Variants in PCLO observed in about 807,000 individuals in gnomAD.
PCLO encodes the protein piccolo presynaptic cytomatrix protein, also known as protein piccolo.
In PCLO, 82 loss-of-function variants were observed where a neutral mutation model predicts 427.5. The observed-to-expected ratio is 0.19, with a 90% CI of 0.16 to 0.23. The LOEUF is 0.23. Ranked by LOEUF, PCLO falls within the 10% of genes least tolerant of loss-of-function variation. The probability of loss-of-function intolerance (pLI) is 1.00; values close to 1 mark genes in which losing one functional copy is unlikely to be tolerated. For synonymous variants in PCLO, 2,357 were observed against 2,155.4 expected, an observed-to-expected ratio of 1.09 and a Z score of -2.59; for missense variants, 6,239 against 6,115.9, an observed-to-expected ratio of 1.02 and a Z score of -0.67.
chr7:83,061,243 A>G (rs1202766340), intron 3 of PCLO, among the ~76,000 whole-genome samples: 1 of 152,166 alleles, frequency 6.6e-6, no homozygotes, highest in African/African-American at 2.4e-5. Flanking sequence ...ACTTGTTGGC[A>G]GAATCCAGTT....
intron 9 of PCLO, chr7:82,894,485 G>A (rs1188089816): frequency 2.0e-5 from 3 of 152,334 alleles, no homozygotes; most frequent in Non-Finnish European, 4.4e-5. Flanking sequence ...GAGAGCTTAT[G>A]CAGGGAAACT....
chr7:83,080,798 C>T (rs1159550693), intron 3 of PCLO, among the ~76,000 whole-genome samples: 1 of 151,982 alleles, frequency 6.6e-6, no homozygotes, highest in African/African-American at 2.4e-5. Context: ...TCAAGACTCC[C>T]AGTGGATGCC....
chr7:83,080,513 T>C (rs374464562), intron 3 of PCLO, among the ~76,000 whole-genome samples: 3 of 152,240 alleles, frequency 2.0e-5, no homozygotes, highest in East Asian at 1.9e-4. Context: ...CCTCAAAATA[T>C]GTTAATATTC....
Position 82,760,764 on chromosome 7 carries a change from C to A in PCLO, c.15163G>T (p.Val5055Leu), listed in dbSNP as rs1790413990. Residue 5055 changes from valine (V) to leucine (L), a missense_variant, in exon 24 of 25, where the codon GTG becomes TTG. Val to Leu is a conservative substitution (Grantham distance 32). This residue lies in a region of PCLO where 877 missense variants were observed against 925.5 expected (regional missense o/e 0.95). Transcript: ENST00000333891. The stretch of plus-strand genomic sequence containing the variant: ...TTTTTTTGGGTAGAAATATTCATCA[C>A]ATATATTTTCACATATAAATCTGAA... ...HLPDLYVKIY[V>L]MNISTQKKVI... 1 of 1,467,124 alleles carries A rather than the reference C, an allele frequency of 6.8e-7. No individual in the cohort carries two copies. The highest frequency in any genetic ancestry group is 9.4e-7 in the Non-Finnish European group (1 of 1,059,578). 90.9% of individuals were successfully genotyped at this position (1,467,124 alleles called of 1,614,324 possible).
In PCLO at chr7:83,155,926, T is replaced by C. The variant is rs774956570; in HGVS notation, c.715A>G (p.Ile239Val). The C allele has an allele frequency of 1.1e-5, 18 of 1,613,768 alleles. No individual in the cohort carries two copies. The highest frequency in any genetic ancestry group is 3.3e-5 in the Admixed American group (2 of 59,986). ...PLQQDGTPKS[I>V]SSQQPEKIKS... is the part of the protein sequence containing the mutation. ...ATTTTTTCTGGTTGTTGAGAAGATATTGATTTGGGAGTGCCATCCTGCTGA... is the reference window on the plus strand; with the variant it reads ...ATTTTTTCTGGTTGTTGAGAAGATACTGATTTGGGAGTGCCATCCTGCTGA... The change falls in exon 2 of 25, where the codon ATA becomes GTA. Residue 239 changes from isoleucine (I) to valine (V), a missense_variant. Coordinates refer to ENST00000333891, the MANE Select transcript of PCLO (RefSeq NM_033026.6).
At chr7:83,136,103 A>AC (rs1196758353) in intron 2 of PCLO, among the ~76,000 whole-genome samples, 2 of 151,954 alleles carry the variant, frequency 1.3e-5, no homozygotes, top group Non-Finnish European at 2.9e-5. Context: ...GTCTCAAAAA[A>AC]AAAAAATTAT....
chr7:83,022,668 G>A (rs904448104), intron 3 of PCLO, among the ~76,000 whole-genome samples: 2 of 152,134 alleles, frequency 1.3e-5, no homozygotes, highest in Non-Finnish European at 2.9e-5. Flanking sequence ...AAATAGACAC[G>A]CTGATCTTTT....
intron 3 of PCLO, among the ~76,000 whole-genome samples, chr7:83,095,068 A>G (rs1790498012): frequency 1.3e-5 from 2 of 152,158 alleles, no homozygotes; most frequent in South Asian, 4.1e-4. Context: ...TTTAGTAGAA[A>G]TTTCCAATTA....
rs566464438 is a variant in PCLO, at chr7:83,144,837, G to C, written c.1894-9181C>G. Among the ~76,000 whole-genome samples the C allele has an allele frequency of 4.6e-5, 7 of 152,204 alleles. No homozygotes were observed. In the South Asian group the frequency reaches 1.5e-3, roughly 32 times the overall value. On this transcript the variant is annotated intron_variant, in intron 2 of 24. Coordinates refer to ENST00000333891, the MANE Select transcript of PCLO (RefSeq NM_033026.6). ...TACAATTACAGAACATGTTCACATAGTAAAGCCTGCTACTTGATTTCTTTA... is the reference window on the plus strand; with the variant it reads ...TACAATTACAGAACATGTTCACATACTAAAGCCTGCTACTTGATTTCTTTA...
intron 4 of PCLO, among the ~76,000 whole-genome samples, chr7:82,959,790 AT>A (rs35580569): frequency 0.074 from 11,246 of 151,948 alleles, 1,408 homozygotes; most frequent in African/African-American, 0.26. Context: ...TGCTGCAATG[AT>A]TTTTTTTCCC....
At chr7:83,022,627 A>C (rs1172760016) in intron 3 of PCLO, among the ~76,000 whole-genome samples, 1 of 152,228 alleles carries the variant, frequency 6.6e-6, no homozygotes, top group African/African-American at 2.4e-5. Context: ...GAATGAAACA[A>C]ATAATTTACA....
Position 82,760,663 on chromosome 7 carries a change from T to C in PCLO, c.15264A>G (p.Leu5088=). Residue 5088 remains leucine (L), a synonymous_variant, in exon 24 of 25, where the codon CTA becomes CTG. Transcript: ENST00000333891. ...PSFNETFRFS[L]SPAGHSLQIL... ...CCTGAAGAGAATGTCCTGCAGGACTTAGACTGAATCGAAAAGTTTCATTAA... is the reference window on the plus strand; with the variant it reads ...CCTGAAGAGAATGTCCTGCAGGACTCAGACTGAATCGAAAAGTTTCATTAA... The C allele has an allele frequency of 6.2e-7, 1 of 1,605,676 alleles. No homozygotes were observed. Among genetic ancestry groups the C allele is most frequent in the Non-Finnish European group, 8.5e-7 (1 of 1,176,006 alleles).
chr7:83,038,073 T>TA, intron 3 of PCLO, among the ~76,000 whole-genome samples: 1 of 46,174 alleles, frequency 2.2e-5, no homozygotes, highest in African/African-American at 8.3e-5. Context: ...ATTTATATAT[T>TA]TATATATATA....
At chr7:83,086,006 G>A (rs1181415865) in intron 3 of PCLO, among the ~76,000 whole-genome samples, 1 of 152,158 alleles carries the variant, frequency 6.6e-6, no homozygotes, top group Non-Finnish European at 1.5e-5. Flanking sequence ...AAATGATTTA[G>A]ATGGTAAAAC....
chr7:82,963,977 T>C (rs1795710364), intron 4 of PCLO, among the ~76,000 whole-genome samples: 1 of 152,162 alleles, frequency 6.6e-6, no homozygotes, highest in African/African-American at 2.4e-5. Context: ...TGAAAACTTC[T>C]TGTTTGGAAT....
chr7:82,856,061 A>G (rs1009453499), intron 10 of PCLO, among the ~76,000 whole-genome samples: 2 of 152,098 alleles, frequency 1.3e-5, no homozygotes, highest in African/African-American at 4.8e-5. Flanking sequence ...AAAGTGTGCT[A>G]GCTTTGACAT....
chr7:83,135,347 G>C lies in PCLO; in HGVS notation c.2203C>G (p.Pro735Ala). Residue 735 changes from proline to alanine, a missense_variant, in exon 3 of 25, where the codon CCC (proline) becomes GCC (alanine). This residue lies in a region of PCLO where 4,677 missense variants were observed against 4,468.4 expected (regional missense o/e 1.05). Transcript: ENST00000333891. ...EADSLSKPAP[P>A]KEPSVPSEQD... ...TCAGATGGGACAGAAGGTTCTTTGG[G>C]AGGGGCTGGCTTGGACAAAGAATCT... 1 of 1,613,946 alleles carries C rather than the reference G, an allele frequency of 6.2e-7. No individual in the cohort carries two copies. Among genetic ancestry groups the C allele is most frequent in the East Asian group, 2.2e-5 (1 of 44,870 alleles).
chr7:82,915,234 T>C lies in PCLO; in HGVS notation c.12752A>G (p.Asp4251Gly). 1 of 1,613,270 alleles carries C rather than the reference T, an allele frequency of 6.2e-7. No homozygotes were observed. The highest frequency in any genetic ancestry group is 8.5e-7 in the Non-Finnish European group (1 of 1,179,654). ...AGAAGATCCCATAAATTTTTGTTGG[T>C]CTGTAATATTTTTTCTGAGGCCAAA... ...ITFGLRKNIT[D>G]QQKFMGSSLG... The change falls in exon 7 of 25, where the codon GAC (aspartate) becomes GGC (glycine). Residue 4251 changes from aspartate (D) to glycine (G), a missense_variant. This residue lies in a region of PCLO where 680 missense variants were observed against 677.3 expected (regional missense o/e 1.00). Coordinates refer to ENST00000333891, the MANE Select transcript of PCLO (RefSeq NM_033026.6).
chr7:83,126,193 G>T (rs942292535), intron 3 of PCLO, among the ~76,000 whole-genome samples: 1 of 152,146 alleles, frequency 6.6e-6, no homozygotes, highest in Non-Finnish European at 1.5e-5. Context: ...AACTCATGGC[G>T]ATAGACAGTA....
Sources: allele counts gnomAD v4.1 joint callset (sites outside exome capture counted in the v4.1 genomes callset), GRCh38; gene constraint gnomAD v4.1.1; regional missense constraint gnomAD v4.1.1; transcripts MANE v1.5; gene names NCBI Gene and HGNC (gene_info 2026-07-23, HGNC 2026-07-21).